The following FGF14 variants were observed in gnomAD, a reference collection of about 807,000 sequenced individuals.
FGF14 encodes fibroblast growth factor 14.
In FGF14, 5 loss-of-function variants were observed where a neutral mutation model predicts 25.5. That is an observed-to-expected ratio of 0.20 (90% CI 0.10 to 0.41). The LOEUF (loss-of-function observed/expected upper bound fraction) is 0.41. FGF14 is among the 10% of genes least tolerant of loss of function. FGF14 has a pLI of 1.00. For missense variants in FGF14, 222 were observed against 320.1 expected (o/e 0.69, Z 2.34); for synonymous variants, 138 against 118.3 (o/e 1.17, Z -1.08).
rs2058250944 is a variant in FGF14 at position 102,384,183 on chromosome 13, T to G, written c.208+17288A>C. 3.3e-5 allele frequency among the ~76,000 whole-genome samples: 5 copies of G among 152,268 alleles called. No individual in the cohort carries two copies. In the South Asian group the frequency reaches 1.0e-3, roughly 32 times the overall value. ...AGCAAAAAAGGGAAGTTAAAACTTG[T>G]GGGTAGGAAAAAATATTTATAAAAT... On this transcript the variant is annotated intron_variant, in intron 1 of 4. Transcript: ENST00000376131.
rs142282847 is a variant in FGF14 at position 101,936,358 on chromosome 13, T to A, written c.209-61062A>T. Among the ~76,000 whole-genome samples the A allele has an allele frequency of 2.4e-4, 37 of 152,296 alleles. No individual in the cohort carries two copies. The East Asian group carries it at 6.6e-3, about 27-fold the overall frequency. ...GATGCACAAATCCTGCCACTTGCCTTCAGGTGCCCTAAAGTCCATACCTTA... is the reference window on the plus strand; with the variant it reads ...GATGCACAAATCCTGCCACTTGCCTACAGGTGCCCTAAAGTCCATACCTTA... On this transcript the variant is annotated intron_variant, in intron 1 of 4. Coordinates refer to the FGF14 transcript ENST00000376131.
intron 1 of FGF14, among the ~76,000 whole-genome samples, chr13:102,116,737 C>T (rs563629417): frequency 1.3e-5 from 2 of 152,268 alleles, no homozygotes; most frequent in East Asian, 3.9e-4. Context: ...TTTAGAAACA[C>T]ATAGTGGAGA....
chr13:102,278,742 G>A (rs1213597690), intron 1 of FGF14, among the ~76,000 whole-genome samples: 1 of 151,738 alleles, frequency 6.6e-6, no homozygotes, highest in East Asian at 1.9e-4. Flanking sequence ...ACGCTCATTT[G>A]TTACATTTTA....
intron 1 of FGF14, among the ~76,000 whole-genome samples, chr13:102,235,231 C>A (rs1326903118): frequency 6.6e-6 from 1 of 152,082 alleles, no homozygotes; most frequent in Non-Finnish European, 1.5e-5. Flanking sequence ...TTTAATCATG[C>A]CAAACAATAT....
At position 101,996,271 on chromosome 13, in the gene FGF14, G is replaced by C. The variant is rs376390587; in HGVS notation, c.209-120975C>G. Among the ~76,000 whole-genome samples, 192 of 152,300 alleles carry C rather than the reference G, an allele frequency of 1.3e-3. 7 individuals carry two copies. In the South Asian group the frequency reaches 0.038, roughly 30 times the overall value. On this transcript the variant is annotated intron_variant, in intron 1 of 4. Coordinates refer to the FGF14 transcript ENST00000376131. Reference sequence around the variant, plus strand: ...GAGAGTGGGAAAGTAGTTTGAGGCAGATCATGGCAGACCTTGATGTTGGAG... The same window carrying C: ...GAGAGTGGGAAAGTAGTTTGAGGCACATCATGGCAGACCTTGATGTTGGAG...
intron 3 of FGF14, among the ~76,000 whole-genome samples, chr13:101,735,592 C>G (rs1455512875): frequency 6.6e-6 from 1 of 151,876 alleles, no homozygotes; most frequent in East Asian, 1.9e-4. Context: ...ACCTTTTCCC[C>G]CTCACTGATC....
chr13:102,119,338 G>A (rs2045613876), intron 1 of FGF14, among the ~76,000 whole-genome samples: 1 of 152,134 alleles, frequency 6.6e-6, no homozygotes, highest in Admixed American at 6.5e-5. Context: ...TATATCGTGG[G>A]GAGAGGGTAA....
intron 1 of FGF14, among the ~76,000 whole-genome samples, chr13:102,352,242 T>TACACACAC (rs56774921): frequency 2.5e-4 from 35 of 137,364 alleles, no homozygotes; most frequent in Admixed American, 6.6e-4. Flanking sequence ...TGTACCTTTA[T>TACACACAC]ACACACACAC....
chr13:102,099,893 TA>T (rs2044579630), intron 1 of FGF14, among the ~76,000 whole-genome samples: 1 of 152,172 alleles, frequency 6.6e-6, no homozygotes, highest in African/African-American at 2.4e-5. Context: ...ACATTCAGGG[TA>T]ATTCTTTTCC....
intron 1 of FGF14, among the ~76,000 whole-genome samples, chr13:102,298,081 A>AT (rs1435236831): frequency 6.6e-6 from 1 of 151,156 alleles, no homozygotes. Context: ...TGAAAAATGG[A>AT]TTGGATGATT....
chr13:102,204,531 A>T (rs1389119565), intron 1 of FGF14, among the ~76,000 whole-genome samples: 3 of 151,760 alleles, frequency 2.0e-5, no homozygotes, highest in African/African-American at 7.2e-5. Context: ...TGGGGCAAGC[A>T]TCTTTTATTT....
intron 1 of FGF14, among the ~76,000 whole-genome samples, chr13:102,384,521 T>C (rs1273734240): frequency 6.6e-6 from 1 of 152,210 alleles, no homozygotes; most frequent in Non-Finnish European, 1.5e-5. Context: ...GTGCCTTTCC[T>C]ACCCGACTAA....
chr13:101,963,367 C>A (rs1250827783), intron 1 of FGF14, among the ~76,000 whole-genome samples: 1 of 152,104 alleles, frequency 6.6e-6, no homozygotes, highest in Non-Finnish European at 1.5e-5. Context: ...ACTAGATATA[C>A]TGAGTTGCTC....
intron 1 of FGF14, among the ~76,000 whole-genome samples, chr13:102,157,064 C>T (rs1311702311): frequency 2.4e-4 from 36 of 152,078 alleles, no homozygotes; most frequent in Non-Finnish European, 2.6e-4. Context: ...ATCAATATGA[C>T]GAAAATGGCC....
At chr13:101,909,729 A>G (rs1030378102) in intron 1 of FGF14, among the ~76,000 whole-genome samples, 1 of 152,222 alleles carries the variant, frequency 6.6e-6, no homozygotes, top group Non-Finnish European at 1.5e-5. Context: ...TGACCCAGCC[A>G]TCCCATTACT....
At chr13:101,772,661 C>G (rs1308498324) in intron 3 of FGF14, among the ~76,000 whole-genome samples, 1 of 152,016 alleles carries the variant, frequency 6.6e-6, no homozygotes, top group African/African-American at 2.4e-5. Flanking sequence ...CTGAATTAAA[C>G]AGATACATTA....
At chr13:102,006,128 T>C (rs2039770090) in intron 1 of FGF14, among the ~76,000 whole-genome samples, 1 of 152,214 alleles carries the variant, frequency 6.6e-6, no homozygotes, top group African/African-American at 2.4e-5. Context: ...GGACATATTC[T>C]GTCATTAAGA....
At chr13:102,256,323 TC>T (rs1452930054) in intron 1 of FGF14, among the ~76,000 whole-genome samples, 1 of 150,934 alleles carries the variant, frequency 6.6e-6, no homozygotes, top group East Asian at 2.0e-4. Context: ...GTAGACCCCA[TC>T]TCTACAAAAA....
chr13:102,251,023 C>T (rs2052144296), intron 1 of FGF14, among the ~76,000 whole-genome samples: 2 of 152,270 alleles, frequency 1.3e-5, no homozygotes, highest in South Asian at 2.1e-4. Flanking sequence ...AACTTTAACA[C>T]TTAAAAATAT....
Sources: gnomAD v4.1 joint callset for allele counts (sites outside exome capture counted in the v4.1 genomes callset) on GRCh38, gnomAD v4.1.1 for gene constraint, MANE v1.5 for transcripts, NCBI Gene and HGNC (gene_info 2026-07-23, HGNC 2026-07-21) for gene names.